Variants in PDCD11 observed in about 807,000 individuals in gnomAD.
The protein encoded by PDCD11 is programmed cell death 11.
In PDCD11, 97 loss-of-function variants were observed where a neutral mutation model predicts 198.9. The ratio of observed to expected loss-of-function variants is 0.49; its 90% CI spans 0.41 to 0.58. The LOEUF (loss-of-function observed/expected upper bound fraction) is 0.58. Among genes scored for constraint, PDCD11 ranks in the 20% least tolerant of loss-of-function variants. The pLI is 0.00. For missense variants in PDCD11, 2,102 were observed against 2,312.7 expected (o/e 0.91, Z 1.87); for synonymous variants, 893 against 918.0 (o/e 0.97, Z 0.49).
intron 3 of PDCD11, among the ~76,000 whole-genome samples, chr10:103,402,902 C>CT (rs1046641975): frequency 1.7e-4 from 25 of 151,328 alleles, no homozygotes; most frequent in African/African-American, 4.4e-4. Context: ...CCTGGCTAAT[C>CT]TTTTTTTTTG....
At chr10:103,416,787 A>G in intron 13 of PDCD11, 45 bp downstream of exon 13, 1 of 1,595,586 alleles carries the variant, frequency 6.3e-7, no homozygotes, top group South Asian at 1.1e-5. Context: ...TGGTGACCCC[A>G]CAAACACAAA....
At chr10:103,401,256 T>C (rs2030027182) in intron 3 of PDCD11, among the ~76,000 whole-genome samples, 1 of 152,062 alleles carries the variant, frequency 6.6e-6, no homozygotes, top group African/African-American at 2.4e-5. Flanking sequence ...TTTTTTAATT[T>C]TGAAATTATT....
At position 103,419,685 on chromosome 10, in the gene PDCD11, C is replaced by T. The variant is rs1564765856; in HGVS notation, c.2254C>T (p.Leu752Phe). 3 of 1,614,034 alleles carry T rather than the reference C, an allele frequency of 1.9e-6. No individual in the cohort carries two copies. The highest frequency in any genetic ancestry group is 1.1e-5 in the South Asian group (1 of 91,034). The change falls in exon 16 of 36, where the codon CTT (leucine) becomes TTT (phenylalanine). Residue 752 changes from leucine to phenylalanine, a missense_variant. Coordinates refer to ENST00000369797, the MANE Select transcript of PDCD11 (RefSeq NM_014976.2). ...YGVFIQFPSG[L>F]SGLAPKAIMS... is the part of the protein sequence containing the mutation. The stretch of plus-strand genomic sequence containing the variant: ...CGTGTTCATCCAGTTCCCCTCAGGT[C>T]TTAGCGGACTGGCCCCAAAAGCTGT...
rs749244452 is a variant in PDCD11, at chr10:103,413,235, A to T, written c.1098A>T (p.Ala366=). ...LTRLSCQNLG[A]VLDDVPVQGF... Reference sequence around the variant, plus strand: ...GACTCTCTTGCCAGAACCTTGGAGCAGTGCTGGATGATGTTCCTGTCCAGG... The same window carrying T: ...GACTCTCTTGCCAGAACCTTGGAGCTGTGCTGGATGATGTTCCTGTCCAGG... Residue 366 remains alanine, a synonymous_variant, in exon 9 of 36, where the codon GCA becomes GCT. Coordinates refer to ENST00000369797, the MANE Select transcript of PDCD11 (RefSeq NM_014976.2). 6.2e-7 allele frequency: 1 copy of T among 1,614,142 alleles called. No homozygotes were observed. The highest frequency in any genetic ancestry group is 1.1e-5 in the South Asian group (1 of 91,088).
At chr10:103,443,594 A>C (rs1292802548) in intron 33 of PDCD11, among the ~76,000 whole-genome samples, 1 of 152,222 alleles carries the variant, frequency 6.6e-6, no homozygotes, top group African/African-American at 2.4e-5. Context: ...CTGGCAGGGC[A>C]TCACAGACAG....
intron 5 of PDCD11, 156 bp downstream of exon 5, chr10:103,405,339 T>C (rs1400136853): frequency 3.2e-6 from 2 of 627,232 alleles, no homozygotes; most frequent in Non-Finnish European, 5.6e-6. Flanking sequence ...TTTGGGCACT[T>C]AATGGACATT....
In PDCD11 at chr10:103,414,072, C is replaced by G; in HGVS notation, c.1292C>G (p.Ala431Gly). 1 of 1,612,578 alleles carries G rather than the reference C, an allele frequency of 6.2e-7. No homozygotes were observed. The highest frequency in any genetic ancestry group is 8.5e-7 in the Non-Finnish European group (1 of 1,179,434). The stretch of plus-strand genomic sequence containing the variant: ...GACTACAGCCAAATGGATGAACTGG[C>G]CTTGCTCTCTCTACGAACGTAAGTC... ...IIDYSQMDEL[A>G]LLSLRTSIIE... is the part of the protein sequence containing the mutation. Residue 431 changes from alanine (A) to glycine (G), a missense_variant, in exon 10 of 36, where the codon GCC becomes GGC. Ala to Gly is a moderately conservative substitution (Grantham distance 60). Transcript: ENST00000369797.
intron 21 of PDCD11, among the ~76,000 whole-genome samples, chr10:103,431,611 T>G (rs924433577): frequency 6.8e-6 from 1 of 148,118 alleles, no homozygotes; most frequent in Non-Finnish European, 1.5e-5. Flanking sequence ...AAAAAAAAAT[T>G]ACTTGAATAA....
intron 12 of PDCD11, among the ~76,000 whole-genome samples, chr10:103,416,160 T>TG (rs1225394215): frequency 6.6e-6 from 1 of 152,176 alleles, no homozygotes; most frequent in Non-Finnish European, 1.5e-5. Flanking sequence ...TTAGACTAGA[T>TG]GCAAAGCCCA....
At chr10:103,420,720 C>T (rs1320658790) in intron 16 of PDCD11, among the ~76,000 whole-genome samples, 1 of 152,156 alleles carries the variant, frequency 6.6e-6, no homozygotes, top group Non-Finnish European at 1.5e-5. Flanking sequence ...GAGGGGAGGG[C>T]CCCAGAAACA....
chr10:103,417,851 C>T lies in PDCD11; in HGVS notation c.1830C>T (p.Phe610=), dbSNP rs370766704. The change falls in exon 14 of 36, where the codon TTC becomes TTT. Residue 610 remains phenylalanine (F), a synonymous_variant. Coordinates refer to ENST00000369797, the MANE Select transcript of PDCD11 (RefSeq NM_014976.2). ...EPSKERMLLS[F]KLSSDPEPKK... ...CCAAAGAGAGGATGCTCTTATCCTTCAAGCTGTCGAGTGATCCAGAGCCAA... is the reference window on the plus strand; with the variant it reads ...CCAAAGAGAGGATGCTCTTATCCTTTAAGCTGTCGAGTGATCCAGAGCCAA... 48 of 1,614,054 alleles carry T rather than the reference C, an allele frequency of 3.0e-5. No homozygotes were observed. Among genetic ancestry groups the T allele is most frequent in the Non-Finnish European group, 4.1e-5 (48 of 1,180,014 alleles).
intron 31 of PDCD11, 109 bp from the exon 32 acceptor site, chr10:103,442,093 CCCAGGCCAGGG>C: frequency 1.3e-6 from 2 of 1,541,172 alleles, no homozygotes; most frequent in South Asian, 2.4e-5. Flanking sequence ...AGCGGCCAGT[CCCAGGCCAGGG>C]GGTATATATA....
chr10:103,396,654 T>G lies in PDCD11; in HGVS notation c.-88T>G, dbSNP rs1268120001. 6.6e-6 allele frequency: 1 copy of G among 152,264 alleles called. No individual in the cohort carries two copies. The highest frequency in any genetic ancestry group is 1.9e-4 in the East Asian group (1 of 5,194). 9.4% of individuals were successfully genotyped at this position (152,264 alleles called of 1,614,324 possible). A position where few individuals can be genotyped will look rare whatever the true frequency, so the allele number is the denominator to read the frequency against. On this transcript the variant is annotated 5_prime_UTR_variant, in exon 1 of 36. Transcript: ENST00000369797. ...CTTCCGGAAGAATTGCACTGGACTG[T>G]GGGTATCCTGGTCTCCGCGTGTGTG...
chr10:103,423,736 A>G, intron 19 of PDCD11, 78 bp downstream of exon 19: 1 of 932,708 alleles, frequency 1.1e-6, no homozygotes, highest in Non-Finnish European at 1.7e-6. Flanking sequence ...AGGGATTCCA[A>G]CTCAGATGCC....
At chr10:103,399,931 T>G (rs2093455545) in intron 2 of PDCD11, 1 of 152,342 alleles carries the variant, frequency 6.6e-6, no homozygotes, top group Non-Finnish European at 1.5e-5. Context: ...TCTCAAGTGA[T>G]CTTCCCGCCT....
intron 19 of PDCD11, among the ~76,000 whole-genome samples, chr10:103,424,594 G>A (rs1592131039): frequency 6.6e-6 from 1 of 152,200 alleles, no homozygotes; most frequent in African/African-American, 2.4e-5. Flanking sequence ...GATTAATTGG[G>A]GGTGGGGGAG....
intron 27 of PDCD11, 99 bp from the exon 28 acceptor site, chr10:103,439,647 T>C (rs1308752256): frequency 1.4e-6 from 2 of 1,383,766 alleles, no homozygotes; most frequent in African/African-American, 1.4e-5. Context: ...CACAAATCCT[T>C]GTCACAACTT....
chr10:103,398,786 A>AG (rs1289425244), intron 2 of PDCD11, among the ~76,000 whole-genome samples: 1 of 152,210 alleles, frequency 6.6e-6, no homozygotes, highest in Non-Finnish European at 1.5e-5. Context: ...TGGGAAGCCG[A>AG]GGCAGGCGGA....
chr10:103,400,316 T>G, intron 2 of PDCD11, 81 bp from the exon 3 acceptor site: 1 of 1,270,908 alleles, frequency 7.9e-7, no homozygotes, highest in Non-Finnish European at 1.1e-6. Flanking sequence ...GCAAGGTGAG[T>G]GATGACCTGA....
Sources: gnomAD v4.1 joint callset for allele counts (sites outside exome capture counted in the v4.1 genomes callset) on GRCh38, gnomAD v4.1.1 for gene constraint, MANE v1.5 for transcripts, NCBI Gene and HGNC (gene_info 2026-07-23, HGNC 2026-07-21) for gene names.